FSD1: variants seen among roughly 807,000 people sequenced by gnomAD.
FSD1 encodes the protein fibronectin type III and SPRY domain-containing protein 1.
Under a neutral mutation model 58.2 loss-of-function variants are expected in FSD1, and 23 were observed. The ratio of observed to expected loss-of-function variants is 0.40; its 90% CI spans 0.28 to 0.56. The LOEUF is 0.56. FSD1 is among the 20% of genes least tolerant of loss of function. The pLI is 0.54. For synonymous variants in FSD1, 265 were observed against 263.4 expected, an observed-to-expected ratio of 1.01 and a Z score of -0.06; for missense variants, 563 against 670.8, an observed-to-expected ratio of 0.84 and a Z score of 1.78.
rs368026425 is a variant in FSD1 at position 4,323,192 on chromosome 19, G to A, written c.1246G>A (p.Ala416Thr). Residue 416 changes from alanine (A) to threonine (T), a missense_variant, in exon 11 of 13, where the codon GCC (alanine) becomes ACC (threonine). Physicochemically the swap from Ala to Thr is moderately conservative, Grantham distance 58 (BLOSUM62 0). Coordinates refer to ENST00000221856, the MANE Select transcript of FSD1 (RefSeq NM_024333.3). The surrounding 1 kb of genome is among the most constrained non-coding windows in gnomAD (Gnocchi z 7.7). Reference sequence around the variant, plus strand: ...CGCCAACAAGGTCAAGGTGCTGGACGCCCCCGTGCCCGACTGCCTGGGTGT... The same window carrying A: ...CGCCAACAAGGTCAAGGTGCTGGACACCCCCGTGCCCGACTGCCTGGGTGT... The part of the protein sequence containing the change: ...KHANKVKVLD[A>T]PVPDCLGVHC... 11 of 1,604,478 alleles carry A rather than the reference G, an allele frequency of 6.9e-6. No homozygotes were observed. The highest frequency in any genetic ancestry group is 1.6e-4 in the Middle Eastern group (1 of 6,078).
intron 1 of FSD1, 124 bp from the exon 2 acceptor site, chr19:4,305,822 G>A (rs1252504304): frequency 9.6e-6 from 7 of 727,420 alleles, no homozygotes; most frequent in East Asian, 5.0e-5. Context: ...GTGTGCGCAC[G>A]CGTGTGCATT....
At position 4,310,752 on chromosome 19, in the gene FSD1, T is replaced by A. The variant is rs1599535365; in HGVS notation, c.490+156T>A. ...TGAGAATTCCACGCCCTGTGGGGGGTGGAGTTCTCATGGAGCCCCGCCCCT... is the reference window on the plus strand; with the variant it reads ...TGAGAATTCCACGCCCTGTGGGGGGAGGAGTTCTCATGGAGCCCCGCCCCT... On this transcript the variant is annotated intron_variant, in intron 6 of 12. Coordinates refer to ENST00000221856, the MANE Select transcript of FSD1 (RefSeq NM_024333.3). 2.7e-5 allele frequency: 22 copies of A among 816,588 alleles called. 2 individuals carry two copies. The South Asian group carries it at 3.9e-4, about 14-fold the overall frequency. The allele number at this position is 816,588 out of a possible 1,614,324, so 50.6% of individuals were successfully genotyped here.
rs1223102211 is a variant in FSD1, at chr19:4,323,675, T to C, written c.*32T>C. The C allele has an allele frequency of 4.0e-6, 6 of 1,511,352 alleles. No homozygotes were observed. The East Asian group carries it at 6.9e-5, about 17-fold the overall frequency. 93.6% of individuals were successfully genotyped at this position (1,511,352 alleles called of 1,614,324 possible). A position where few individuals can be genotyped will look rare whatever the true frequency, so the allele number is the denominator to read the frequency against. On this transcript the variant is annotated 3_prime_UTR_variant, in exon 13 of 13. Coordinates refer to ENST00000221856, the MANE Select transcript of FSD1 (RefSeq NM_024333.3). The surrounding 1 kb of genome is among the most constrained non-coding windows in gnomAD (Gnocchi z 7.7). ...AGGCACCCACCCAGCTGGGGTGTTT[T>C]TGGGGGAGTCGCCGCCAAGCCCAGG... is the stretch of plus-strand genomic sequence containing the variant.
chr19:4,308,419 A>C (rs1971649076), intron 4 of FSD1, among the ~76,000 whole-genome samples: 1 of 151,990 alleles, frequency 6.6e-6, no homozygotes, highest in Non-Finnish European at 1.5e-5. Context: ...AAAACAAAGA[A>C]AAAAAGAAAA....
Position 4,323,306 on chromosome 19 carries a change from A to G in FSD1, c.1292-42A>G. 1 of 1,597,630 alleles carries G rather than the reference A, an allele frequency of 6.3e-7. No homozygotes were observed. The highest frequency in any genetic ancestry group is 8.5e-7 in the Non-Finnish European group (1 of 1,173,214). Reference sequence around the variant, plus strand: ...AGTCCCCTCCGTCTGCCCCCATCCCACTTCTGACCGGTCCCACTGTCACTC... The same window carrying G: ...AGTCCCCTCCGTCTGCCCCCATCCCGCTTCTGACCGGTCCCACTGTCACTC... On this transcript the variant is annotated intron_variant, in intron 11 of 12. Transcript: ENST00000221856. The surrounding 1 kb of genome is among the most constrained non-coding windows in gnomAD (Gnocchi z 7.7).
At chr19:4,314,579 T>C (rs576512935) in intron 7 of FSD1, among the ~76,000 whole-genome samples, 2 of 150,952 alleles carry the variant, frequency 1.3e-5, no homozygotes, top group South Asian at 4.2e-4. Context: ...CTCCGCCTCC[T>C]GGGTTCAAGC....
chr19:4,307,734 G>C, intron 3 of FSD1, 148 bp from the exon 4 acceptor site: 1 of 585,038 alleles, frequency 1.7e-6, no homozygotes, highest in Non-Finnish European at 3.0e-6. Flanking sequence ...AGCCCCATTT[G>C]GTGGGGCGCT....
At chr19:4,318,975 G>A (rs759158064) in intron 10 of FSD1, 24 bp downstream of exon 10, 11 of 1,598,956 alleles carry the variant, frequency 6.9e-6, no homozygotes, top group Non-Finnish European at 8.6e-6. Context: ...GAAGAAAGGG[G>A]AGAGGGGAGT....
intron 10 of FSD1, among the ~76,000 whole-genome samples, chr19:4,322,769 G>A (rs375015995): frequency 3.9e-4 from 58 of 150,204 alleles, no homozygotes; most frequent in Middle Eastern, 3.4e-3. Flanking sequence ...AACTTGAGGC[G>A]TATCTGAAGG....
chr19:4,309,364 C>T (rs1277504631), intron 4 of FSD1, among the ~76,000 whole-genome samples: 1 of 152,068 alleles, frequency 6.6e-6, no homozygotes, highest in African/African-American at 2.4e-5. Context: ...GAGTATATCC[C>T]AAAGAGTGCA....
chr19:4,322,869 T>A, intron 10 of FSD1, 117 bp from the exon 11 acceptor site: 1 of 1,270,272 alleles, frequency 7.9e-7, no homozygotes, highest in Middle Eastern at 2.7e-4. Flanking sequence ...GGGGAGTGTC[T>A]CTGCAGGGAG....
At chr19:4,307,458 C>T (rs1341899696) in intron 3 of FSD1, among the ~76,000 whole-genome samples, 1 of 152,132 alleles carries the variant, frequency 6.6e-6, no homozygotes, top group Non-Finnish European at 1.5e-5. Context: ...ACCTCCGCCT[C>T]CCGGGTTCAA....
intron 9 of FSD1, 139 bp from the exon 10 acceptor site, chr19:4,318,733 G>A (rs1180770980): frequency 6.5e-6 from 5 of 769,534 alleles, no homozygotes; most frequent in Non-Finnish European, 1.1e-5. Context: ...TGAGGTGCTC[G>A]ATATATAGAT....
intron 7 of FSD1, 24 bp from the exon 8 acceptor site, chr19:4,317,158 T>G: frequency 2.2e-6 from 3 of 1,350,832 alleles, no homozygotes; most frequent in Non-Finnish European, 2.1e-6. Flanking sequence ...TACACAGTGT[T>G]GAAATGCCTC....
chr19:4,310,541 C>G lies in FSD1; in HGVS notation c.435C>G (p.Leu145=). 1 of 1,613,936 alleles carries G rather than the reference C, an allele frequency of 6.2e-7. No individual in the cohort carries two copies. Residue 145 remains leucine (L), a synonymous_variant, in exon 6 of 13, where the codon CTC becomes CTG. Coordinates refer to ENST00000221856, the MANE Select transcript of FSD1 (RefSeq NM_024333.3). ...KAKVSDNMSH[L]MVDFAQERQM... ...AGGTCAGTGACAACATGAGTCACCT[C>G]ATGGTGGACTTCGCGCAAGAGCGGC...
intron 10 of FSD1, among the ~76,000 whole-genome samples, chr19:4,319,614 C>T (rs547785763): frequency 6.6e-6 from 1 of 152,016 alleles, no homozygotes; most frequent in African/African-American, 2.4e-5. Context: ...TAAGCTAGGG[C>T]CTAAGGGGAA....
In FSD1 at chr19:4,312,831, TAAATA is replaced by T. The variant is rs1445818765; in HGVS notation, c.700+783_700+787del. 2.3e-3 allele frequency among the ~76,000 whole-genome samples: 346 copies of T among 149,926 alleles called. 3 individuals are homozygous for T. The highest frequency in any genetic ancestry group is 8.1e-3 in the African/African-American group (327 of 40,442). On this transcript the variant is annotated intron_variant, in intron 7 of 12. Transcript: ENST00000221856. Reference sequence around the variant, plus strand: ...AAAAATAAATAAATAAATAAATAAATAAATAAATAATAATAATGAATATATTTTTC... The same window carrying T: ...AAAAATAAATAAATAAATAAATAAATAATAATAATAATGAATATATTTTTC...
At chr19:4,310,957 A>G (rs1971683193) in intron 6 of FSD1, 2 of 196,920 alleles carry the variant, frequency 1.0e-5, no homozygotes, top group South Asian at 1.8e-4. Context: ...TCCTGTCCCC[A>G]GGGGTGGAGC....
At chr19:4,318,657 G>A in intron 9 of FSD1, 152 bp downstream of exon 9, 1 of 793,442 alleles carries the variant, frequency 1.3e-6, no homozygotes, top group East Asian at 2.7e-5. Flanking sequence ...GTTTTGAGTG[G>A]AGTTTTGATG....
Sources: gnomAD v4.1 joint callset for allele counts (sites outside exome capture counted in the v4.1 genomes callset) on GRCh38, gnomAD v4.1.1 for gene constraint, Gnocchi (gnomAD v3.1) non-coding constraint, MANE v1.5 for transcripts, NCBI Gene and HGNC (gene_info 2026-07-23, HGNC 2026-07-21) for gene names.